ZNF507: variants seen among roughly 807,000 people sequenced by gnomAD.
ZNF507 encodes zinc finger protein 507.
ZNF507 carries 29 observed loss-of-function variants against 80.0 expected under a neutral mutation model. The ratio of observed to expected loss-of-function variants is 0.36; its 90% confidence interval spans 0.27 to 0.49. ZNF507 has a LOEUF of 0.49. Ranked by LOEUF, ZNF507 falls within the 20% of genes least tolerant of loss-of-function variation. The pLI, the probability that ZNF507 is intolerant of heterozygous loss-of-function variation, is 0.98. For missense variants in ZNF507, 1,081 were observed against 1,152.2 expected (o/e 0.94, Z 0.90); for synonymous variants, 462 against 422.5 (o/e 1.09, Z -1.15).
chr19:32,369,122 T>C (rs1034403005), intron 5 of ZNF507, among the ~76,000 whole-genome samples: 1 of 152,250 alleles, frequency 6.6e-6, no homozygotes, highest in African/African-American at 2.4e-5. Context: ...GGTTTCTACA[T>C]TGGCTTTCTT....
At position 32,353,292 on chromosome 19, in the gene ZNF507, A is replaced by T; in HGVS notation, c.462A>T (p.Ile154=). ...AACATGGTCAGCAAAATGAAGTGAT[A>T]CTGATGTGCTCAGAGTGCCATATTA... is the stretch of plus-strand genomic sequence containing the variant. ...IKQHGQQNEV[I]LMCSECHITS... The change falls in exon 3 of 7, where the codon ATA becomes ATT. Residue 154 remains isoleucine (I), a synonymous_variant. Transcript: ENST00000355898. 6.2e-7 allele frequency: 1 copy of T among 1,614,238 alleles called. No individual in the cohort carries two copies. Among genetic ancestry groups the T allele is most frequent in the East Asian group, 2.2e-5 (1 of 44,886 alleles).
At position 32,356,619 on chromosome 19, in the gene ZNF507, C is replaced by G; in HGVS notation, c.2131C>G (p.Gln711Glu). The change falls in exon 4 of 7, where the codon CAA becomes GAA. Residue 711 changes from glutamine to glutamate, a missense_variant. This residue lies in a region of ZNF507 where 614 missense variants were observed against 583.9 expected (regional missense o/e 1.05). Coordinates refer to ENST00000355898, the MANE Select transcript of ZNF507 (RefSeq NM_001136156.2). The stretch of plus-strand genomic sequence containing the variant: ...CATATTTCTTTCCACTTTTTAGAGT[C>G]AATTGAGGAACCATGAGAGAGAACA... ...QCEESFHYKS[Q>E]LRNHEREQHS... 6.2e-7 allele frequency: 1 copy of G among 1,610,592 alleles called. No individual in the cohort carries two copies. The highest frequency in any genetic ancestry group is 8.5e-7 in the Non-Finnish European group (1 of 1,177,308).
Position 32,383,288 on chromosome 19 carries a change from A to G in ZNF507, c.*205A>G, listed in dbSNP as rs948960914. ...TAATGATATTTAAATATTTTGAGTG[A>G]GGGGGAGTGGGTCAAAGAGGAAGTA... On this transcript the variant is annotated 3_prime_UTR_variant, in exon 7 of 7. Transcript: ENST00000355898. 6 of 627,152 alleles carry G rather than the reference A, an allele frequency of 9.6e-6. No individual in the cohort carries two copies. Among genetic ancestry groups the G allele is most frequent in the African/African-American group, 7.4e-5 (4 of 54,250 alleles). The allele number at this position is 627,152 out of a possible 1,614,324, so 38.8% of individuals were successfully genotyped here.
rs759806012 is a variant in ZNF507, at chr19:32,353,312, A to C, written c.482A>C (p.His161Pro). 6.2e-7 allele frequency: 1 copy of C among 1,614,270 alleles called. No individual in the cohort carries two copies. ...GTGATACTGATGTGCTCAGAGTGCC[A>C]TATTACATCTAGAAGCCAGGAGGAA... ...NEVILMCSEC[H>P]ITSRSQEELE... Residue 161 changes from histidine to proline, a missense_variant, in exon 3 of 7, where the codon CAT becomes CCT. His to Pro is a moderately conservative substitution (Grantham distance 77). Around this residue, in one of 6 missense-constraint regions of ZNF507, gnomAD observed 275 missense variants for 303.9 expected, o/e 0.90. Transcript: ENST00000355898.
At position 32,386,423 on chromosome 19, in the gene ZNF507, T is replaced by C. The variant is rs112134856; in HGVS notation, c.*3340T>C. 2.0e-5 allele frequency: 3 copies of C among 152,588 alleles called. No individual in the cohort carries two copies. Among genetic ancestry groups the C allele is most frequent in the Admixed American group, 6.5e-5 (1 of 15,274 alleles). 9.5% of individuals were successfully genotyped at this position (152,588 alleles called of 1,614,324 possible). On this transcript the variant is annotated 3_prime_UTR_variant, in exon 7 of 7. Coordinates refer to ENST00000355898, the MANE Select transcript of ZNF507 (RefSeq NM_001136156.2). ...GTACAGCAAGGTGCTCTAAGTAATA[T>C]TCGATAAAATATATTTAATAGAAAT...
At chr19:32,377,680 A>G (rs1342288029) in intron 5 of ZNF507, among the ~76,000 whole-genome samples, 1 of 152,160 alleles carries the variant, frequency 6.6e-6, no homozygotes, top group Admixed American at 6.5e-5. Context: ...TAGGTGGGTG[A>G]GAATAGACAC....
intron 5 of ZNF507, among the ~76,000 whole-genome samples, chr19:32,376,959 G>A (rs1465615293): frequency 6.6e-6 from 1 of 152,194 alleles, no homozygotes; most frequent in Non-Finnish European, 1.5e-5. Context: ...CTGCATATCA[G>A]AGACTTTTAG....
intron 5 of ZNF507, among the ~76,000 whole-genome samples, chr19:32,370,570 A>G (rs1967456607): frequency 6.6e-6 from 1 of 152,108 alleles, no homozygotes; most frequent in South Asian, 2.1e-4. Flanking sequence ...CCCATTTTTT[A>G]ATCGAGTTAT....
rs1312219056 is a variant in ZNF507, at chr19:32,387,239, T to C, written c.*4156T>C. The C allele has an allele frequency of 6.6e-6, 1 of 152,182 alleles. No homozygotes were observed. Among genetic ancestry groups the C allele is most frequent in the Non-Finnish European group, 1.5e-5 (1 of 68,038 alleles). The allele number at this position is 152,182 out of a possible 1,614,324, so 9.4% of individuals were successfully genotyped here. Reference sequence around the variant, plus strand: ...GTGAAGGCCAAAAACTACAGTGATATGTTCACACCTTGATCACTCTGTCGT... The same window carrying C: ...GTGAAGGCCAAAAACTACAGTGATACGTTCACACCTTGATCACTCTGTCGT... On this transcript the variant is annotated 3_prime_UTR_variant, in exon 7 of 7. Coordinates refer to ENST00000355898, the MANE Select transcript of ZNF507 (RefSeq NM_001136156.2).
intron 5 of ZNF507, chr19:32,381,949 T>G (rs1449045313): frequency 6.6e-6 from 1 of 152,276 alleles, no homozygotes; most frequent in Non-Finnish European, 1.5e-5. Context: ...TAATAGAAAC[T>G]TTTTAAGATT....
At chr19:32,377,397 A>G (rs893992520) in intron 5 of ZNF507, among the ~76,000 whole-genome samples, 10 of 152,100 alleles carry the variant, frequency 6.6e-5, no homozygotes, top group Non-Finnish European at 1.5e-4. Flanking sequence ...CTATCTCTAT[A>G]TGGCCTGGTT....
chr19:32,346,163 C>T (rs1224614842), intron 1 of ZNF507, among the ~76,000 whole-genome samples: 3 of 152,194 alleles, frequency 2.0e-5, no homozygotes, highest in Non-Finnish European at 4.4e-5. Flanking sequence ...TTTCTAAGCT[C>T]CCTCATTCCC....
chr19:32,346,824 A>T (rs1487982637), intron 1 of ZNF507, among the ~76,000 whole-genome samples: 2 of 152,240 alleles, frequency 1.3e-5, no homozygotes, highest in South Asian at 2.1e-4. Flanking sequence ...ACTGTGTCAT[A>T]TCTTTTTATG....
rs575519575 is a variant in ZNF507, at chr19:32,364,438, G to A, written c.2360+3820G>A. ...TGAGAACCTGGTGCATCCATCACCC[G>A]AGCAGTATACACAGCACCATATTTG... On this transcript the variant is annotated intron_variant, in intron 5 of 6. Transcript: ENST00000355898. Among the ~76,000 whole-genome samples, 17 of 152,076 alleles carry A rather than the reference G, an allele frequency of 1.1e-4. No homozygotes were observed. In the East Asian group the frequency reaches 1.9e-3, roughly 17 times the overall value.
At chr19:32,363,727 T>C (rs1232089405) in intron 5 of ZNF507, among the ~76,000 whole-genome samples, 1 of 152,212 alleles carries the variant, frequency 6.6e-6, no homozygotes, top group African/African-American at 2.4e-5. Context: ...CAATAATTCA[T>C]TATCTAACCA....
chr19:32,354,914 G>A lies in ZNF507; in HGVS notation c.2084G>A (p.Arg695Lys), dbSNP rs1967231389. ...CACATGATCCACCACTGTAAGACAA[G>A]AATATACCAGTGCAAGCAGTGTGAA... ...ESHMIHHCKTRIYQCKQCEES... is the reference protein window; with the variant it reads ...ESHMIHHCKTKIYQCKQCEES... The change falls in exon 3 of 7, where the codon AGA (arginine) becomes AAA (lysine). Residue 695 changes from arginine to lysine, a missense_variant. Transcript: ENST00000355898. The A allele has an allele frequency of 6.2e-7, 1 of 1,613,704 alleles. No homozygotes were observed. Among genetic ancestry groups the A allele is most frequent in the Non-Finnish European group, 8.5e-7 (1 of 1,179,890 alleles).
chr19:32,373,914 C>G (rs971910415), intron 5 of ZNF507, among the ~76,000 whole-genome samples: 6 of 152,102 alleles, frequency 3.9e-5, no homozygotes, highest in Non-Finnish European at 5.9e-5. Flanking sequence ...GTTTTGCTGT[C>G]GGGAAGTGAA....
In ZNF507 at chr19:32,353,764, A is replaced by T; in HGVS notation, c.934A>T (p.Ser312Cys). ...TGCAGTCGTCATTGCTATTGGAGAG[A>T]GTGAACTGAGTATCCACAATGGGCC... ...VDAVVIAIGE[S>C]ELSIHNGPSV... is the part of the protein sequence containing the mutation. The change falls in exon 3 of 7, where the codon AGT becomes TGT. Residue 312 changes from serine (S) to cysteine (C), a missense_variant. Around this residue, in one of 6 missense-constraint regions of ZNF507, gnomAD observed 614 missense variants for 583.9 expected, o/e 1.05. Coordinates refer to ENST00000355898, the MANE Select transcript of ZNF507 (RefSeq NM_001136156.2). 1 of 1,614,212 alleles carries T rather than the reference A, an allele frequency of 6.2e-7. No homozygotes were observed. The highest frequency in any genetic ancestry group is 8.5e-7 in the Non-Finnish European group (1 of 1,180,044).
At chr19:32,358,799 A>G (rs976553900) in intron 4 of ZNF507, 1 of 152,208 alleles carries the variant, frequency 6.6e-6, no homozygotes, top group Non-Finnish European at 1.5e-5. Context: ...TTGCTAAAGG[A>G]AAAATATAGG....
Sources: allele counts gnomAD v4.1 joint callset (sites outside exome capture counted in the v4.1 genomes callset), GRCh38; gene constraint gnomAD v4.1.1; regional missense constraint gnomAD v4.1.1; transcripts MANE v1.5; gene names NCBI Gene and HGNC (gene_info 2026-07-23, HGNC 2026-07-21).